Variants in ENTR1 observed in about 807,000 individuals in gnomAD.
ENTR1 encodes the protein endosome-associated-trafficking regulator 1.
Under a neutral mutation model 47.9 loss-of-function variants are expected in ENTR1, and 47 were observed. The observed-to-expected ratio is 0.98, with a 90% confidence interval of 0.78 to 1.25. The LOEUF (loss-of-function observed/expected upper bound fraction) is 1.25. Among genes scored for constraint, ENTR1 ranks in the 50% most tolerant of loss-of-function variants. The pLI is 0.00. For missense variants in ENTR1, 668 were observed against 570.5 expected, an observed-to-expected ratio of 1.17 and a Z score of -1.74; for synonymous variants, 290 against 245.8, an observed-to-expected ratio of 1.18 and a Z score of -1.68.
In ENTR1 at chr9:136,407,392, G is replaced by C. The variant is rs775990426; in HGVS notation, c.572C>G (p.Ser191Cys). 1.2e-6 allele frequency: 2 copies of C among 1,607,156 alleles called. No individual in the cohort carries two copies. The highest frequency in any genetic ancestry group is 2.7e-5 in the African/African-American group (2 of 74,794). The change falls in exon 5 of 10, where the codon TCC becomes TGC. Residue 191 changes from serine to cysteine, a missense_variant. Ser to Cys is a moderately radical substitution (Grantham distance 112, BLOSUM62 -1). Transcript: ENST00000357365. Reference sequence around the variant, plus strand: ...CTCGGGGTGAGTCTGCTCGATGGCGGACGGCAGGTAGGCCCCACTCCATCC... The same window carrying C: ...CTCGGGGTGAGTCTGCTCGATGGCGCACGGCAGGTAGGCCCCACTCCATCC... ...DTGWSGAYLP[S>C]AIEQTHPERV...
In ENTR1 at chr9:136,402,735, G is replaced by T; in HGVS notation, c.*53C>A. The T allele has an allele frequency of 8.3e-7, 1 of 1,208,288 alleles. No homozygotes were observed. The highest frequency in any genetic ancestry group is 1.2e-6 in the Non-Finnish European group (1 of 814,602). The allele number at this position is 1,208,288 out of a possible 1,614,324, so 74.8% of individuals were successfully genotyped here. On this transcript the variant is annotated 3_prime_UTR_variant, in exon 10 of 10. Coordinates refer to ENST00000357365, the MANE Select transcript of ENTR1 (RefSeq NM_001039707.2). ...CACAACTGCACATTTAGATCGAGCG[G>T]TGGTGACCTCAGGGTATACACGGAG...
chr9:136,405,770 G>A, intron 6 of ENTR1, 135 bp downstream of exon 6: 1 of 567,836 alleles, frequency 1.8e-6, no homozygotes, highest in Non-Finnish European at 3.0e-6. Flanking sequence ...ACACAGAAAT[G>A]TGTTTGATGC....
chr9:136,409,924 CTG>C, intron 2 of ENTR1, 164 bp downstream of exon 2: 1 of 850,022 alleles, frequency 1.2e-6, no homozygotes, highest in Non-Finnish European at 2.0e-6. Context: ...CGCAACCAGA[CTG>C]TGAGCTCCTA....
rs114926328 is a variant in ENTR1, at chr9:136,402,345, C to T, written c.*443G>A. 0.023 allele frequency: 3,664 copies of T among 156,032 alleles called. 59 individuals carry two copies. Among genetic ancestry groups the T allele is most frequent in the Middle Eastern group, 0.093 (28 of 300 alleles). The allele number at this position is 156,032 out of a possible 1,614,324, so 9.7% of individuals were successfully genotyped here. On this transcript the variant is annotated 3_prime_UTR_variant, in exon 10 of 10. Transcript: ENST00000357365. ...AGCCAGAGGGAGCCCTGAGCATCGG[C>T]GGAAGGCACAGGTCCCTGCCCGGGG...
At chr9:136,404,223 A>G in intron 8 of ENTR1, 29 bp from the exon 9 acceptor site, 1 of 1,573,398 alleles carries the variant, frequency 6.4e-7, no homozygotes, top group Non-Finnish European at 8.6e-7. Flanking sequence ...CTAAGGACAG[A>G]GCAGCTCCGA....
intron 8 of ENTR1, 34 bp from the exon 9 acceptor site, chr9:136,404,228 C>T (rs899421075): frequency 2.6e-5 from 41 of 1,563,978 alleles, no homozygotes; most frequent in Non-Finnish European, 3.3e-5. Flanking sequence ...GACAGAGCAG[C>T]TCCGAGGCAA....
chr9:136,409,752 C>T (rs1834987011), intron 2 of ENTR1: 1 of 411,844 alleles, frequency 2.4e-6, no homozygotes, highest in South Asian at 2.0e-5. Flanking sequence ...GGCCACTGCC[C>T]GGCTGTGGAG....
chr9:136,406,085 T>C (rs964790411), intron 5 of ENTR1, 107 bp from the exon 6 acceptor site: 2 of 724,392 alleles, frequency 2.8e-6, no homozygotes, highest in Admixed American at 2.9e-5. Flanking sequence ...AGATGCTGGG[T>C]CAGTGCAGCA....
At chr9:136,408,873 C>T (rs1834918120) in intron 3 of ENTR1, 126 bp downstream of exon 3, 3 of 682,314 alleles carry the variant, frequency 4.4e-6, no homozygotes, top group Non-Finnish European at 7.9e-6. Context: ...CTTGAAATCC[C>T]ACCCCCACCT....
Position 136,407,878 on chromosome 9 carries a change from G to C in ENTR1, c.350C>G (p.Thr117Ser). 2 of 1,613,628 alleles carry C rather than the reference G, an allele frequency of 1.2e-6. No individual in the cohort carries two copies. Among genetic ancestry groups the C allele is most frequent in the South Asian group, 2.2e-5 (2 of 91,086 alleles). ...CTCTTTCGAGAGGCCGAGGTTCTTG[G>C]TCTTCAGAAACTCTCTAAAAGAGAA... ...NPFSFREFLK[T>S]KNLGLSKEDP... is the part of the protein sequence containing the mutation. Residue 117 changes from threonine to serine, a missense_variant, in exon 4 of 10, where the codon ACC (threonine) becomes AGC (serine). By Grantham distance (58) the Thr-to-Ser change is moderately conservative. Coordinates refer to ENST00000357365, the MANE Select transcript of ENTR1 (RefSeq NM_001039707.2).
chr9:136,405,885 C>A lies in ENTR1; in HGVS notation c.893+20G>T. On this transcript the variant is annotated intron_variant, in intron 6 of 9. Transcript: ENST00000357365. Reference sequence around the variant, plus strand: ...GTATTAGATGTTGTGGATTGCATTCCTAACTAAAAGCTTACATACATTTCT... The same window carrying A: ...GTATTAGATGTTGTGGATTGCATTCATAACTAAAAGCTTACATACATTTCT... 1 of 1,515,056 alleles carries A rather than the reference C, an allele frequency of 6.6e-7. No homozygotes were observed. The highest frequency in any genetic ancestry group is 1.2e-5 in the South Asian group (1 of 83,348). 93.9% of individuals were successfully genotyped at this position (1,515,056 alleles called of 1,614,324 possible). A position where few individuals can be genotyped will look rare whatever the true frequency, so the allele number is the denominator to read the frequency against.
At chr9:136,406,463 T>C (rs73565200) in intron 5 of ENTR1, among the ~76,000 whole-genome samples, 2,312 of 150,838 alleles carry the variant, frequency 0.015, 48 homozygotes, top group African/African-American at 0.052. Flanking sequence ...AGTGAGACAC[T>C]GTCTCAGGAA....
rs943445737 is a variant in ENTR1 at position 136,402,649 on chromosome 9, G to C, written c.*139C>G. 7 of 594,548 alleles carry C rather than the reference G, an allele frequency of 1.2e-5. No homozygotes were observed. In the African/African-American group the frequency reaches 1.3e-4, roughly 11 times the overall value. 36.8% of individuals were successfully genotyped at this position (594,548 alleles called of 1,614,324 possible). ...TGTGGTGGCCAAGAACTGGCTGAGGGCACGACACTGGACTCTTGCGATCAA... is the reference window on the plus strand; with the variant it reads ...TGTGGTGGCCAAGAACTGGCTGAGGCCACGACACTGGACTCTTGCGATCAA... On this transcript the variant is annotated 3_prime_UTR_variant, in exon 10 of 10. Coordinates refer to ENST00000357365, the MANE Select transcript of ENTR1 (RefSeq NM_001039707.2).
At position 136,410,508 on chromosome 9, in the gene ENTR1, TCGCCCGC is replaced by T; in HGVS notation, c.-118_-112del. The T allele has an allele frequency of 2.1e-6, 2 of 973,144 alleles. No homozygotes were observed. The highest frequency in any genetic ancestry group is 2.5e-6 in the Non-Finnish European group (2 of 793,342). 60.3% of individuals were successfully genotyped at this position (973,144 alleles called of 1,614,324 possible). On this transcript the variant is annotated 5_prime_UTR_variant, in exon 1 of 10. Transcript: ENST00000357365. ...CGCCCGCCCCCGTCGCCCGCCCCCGTCGCCCGCCGCTCGGCCGCCCCCGCGCCTCCGA... is the reference window on the plus strand; with the variant it reads ...CGCCCGCCCCCGTCGCCCGCCCCCGTCGCTCGGCCGCCCCCGCGCCTCCGA...
intron 6 of ENTR1, 39 bp downstream of exon 6, chr9:136,405,866 G>C (rs778080217): frequency 2.4e-6 from 3 of 1,259,124 alleles, no homozygotes; most frequent in African/African-American, 1.5e-5. Context: ...CTGTGTATTA[G>C]ATGTTGTGGA....
chr9:136,405,794 A>G, intron 6 of ENTR1, 111 bp downstream of exon 6: 1 of 637,738 alleles, frequency 1.6e-6, no homozygotes. Context: ...ACATTTATAT[A>G]CAATAAAACC....
At position 136,410,136 on chromosome 9, in the gene ENTR1, A is replaced by G. The variant is rs1835022360; in HGVS notation, c.174T>C (p.Phe58=). The G allele has an allele frequency of 6.2e-7, 1 of 1,612,474 alleles. No homozygotes were observed. The highest frequency in any genetic ancestry group is 8.5e-7 in the Non-Finnish European group (1 of 1,179,894). The change falls in exon 2 of 10, where the codon TTT becomes TTC. Residue 58 remains phenylalanine (F), a synonymous_variant. Transcript: ENST00000357365. ...GCACCGGGCTGGGCACATAGCACAT[A>G]AAGGCCGGCCGAATGCCGAAGAAGG... ...DSPFFGIRPA[F]MCYVPSPVLA...
At chr9:136,407,990 G>A (rs766802927) in intron 3 of ENTR1, 52 bp from the exon 4 acceptor site, 3 of 1,220,426 alleles carry the variant, frequency 2.5e-6, no homozygotes, top group Non-Finnish European at 3.6e-6. Context: ...AGCGTTGAAA[G>A]GGAACCTTCC....
intron 2 of ENTR1, 162 bp downstream of exon 2, chr9:136,409,928 G>A (rs534581885): frequency 1.2e-6 from 1 of 866,042 alleles, no homozygotes; most frequent in Non-Finnish European, 1.9e-6. Context: ...ACCAGACTGT[G>A]AGCTCCTAGC....
Sources: allele counts gnomAD v4.1 joint callset (sites outside exome capture counted in the v4.1 genomes callset), GRCh38; gene constraint gnomAD v4.1.1; transcripts MANE v1.5; gene names NCBI Gene and HGNC (gene_info 2026-07-23, HGNC 2026-07-21).